The following CALCR variants were observed in gnomAD, a reference collection of about 807,000 sequenced individuals.
CALCR encodes the protein calcitonin receptor.
In CALCR, 47 loss-of-function variants were observed where a neutral mutation model predicts 59.5. That is an observed-to-expected ratio of 0.79 (90% CI 0.63 to 1.01). CALCR has a LOEUF of 1.01. Among genes scored for constraint, CALCR ranks in the 50% least tolerant of loss-of-function variants. The pLI, the probability that CALCR is intolerant of heterozygous loss-of-function variation, is 0.00. For synonymous variants in CALCR, 213 were observed against 211.3 expected, an observed-to-expected ratio of 1.01 and a Z score of -0.07; for missense variants, 566 against 597.1, an observed-to-expected ratio of 0.95 and a Z score of 0.54.
At chr7:93,547,585 A>G (rs1367350081) in intron 2 of CALCR, among the ~76,000 whole-genome samples, 2 of 152,214 alleles carry the variant, frequency 1.3e-5, no homozygotes, top group African/African-American at 2.4e-5. Flanking sequence ...TGGACAGGAA[A>G]GCAGAGATAT....
At chr7:93,516,115 C>A (rs928149077) in intron 2 of CALCR, among the ~76,000 whole-genome samples, 1 of 152,014 alleles carries the variant, frequency 6.6e-6, no homozygotes, top group South Asian at 2.1e-4. Context: ...CTTTCTTTTA[C>A]AAGTCTCACC....
chr7:93,436,093 G>A lies in CALCR; in HGVS notation c.1008C>T (p.His336=), dbSNP rs749894460. 6.2e-7 allele frequency: 1 copy of A among 1,614,166 alleles called. No homozygotes were observed. Among genetic ancestry groups the A allele is most frequent in the South Asian group, 1.1e-5 (1 of 91,082 alleles). ...TGGCCTTCACAGCCTTCAGGTACAT[G>A]TGGGATTCCGCCTCATGGGTTTCCC... ...KMRETHEAES[H]MYLKAVKATM... is the part of the protein sequence containing the mutation. Residue 336 remains histidine (H), a synonymous_variant, in exon 12 of 14, where the codon CAC becomes CAT. Transcript: ENST00000426151.
At chr7:93,449,623 T>C (rs1193724709) in intron 8 of CALCR, among the ~76,000 whole-genome samples, 1 of 152,038 alleles carries the variant, frequency 6.6e-6, no homozygotes, top group African/African-American at 2.4e-5. Context: ...CGTTGTTCGA[T>C]TGAAAACATT....
chr7:93,523,623 T>C (rs962144177), intron 2 of CALCR, among the ~76,000 whole-genome samples: 10 of 152,296 alleles, frequency 6.6e-5, no homozygotes, highest in Admixed American at 2.0e-4. Flanking sequence ...TTGATCTCTG[T>C]AAGCTTCAAA....
At chr7:93,471,069 G>T (rs1021155067) in intron 6 of CALCR, among the ~76,000 whole-genome samples, 1 of 151,634 alleles carries the variant, frequency 6.6e-6, no homozygotes, top group Non-Finnish European at 1.5e-5. Flanking sequence ...AATGTGAAAA[G>T]CATTTTAATC....
chr7:93,546,950 C>T (rs1789306645), intron 2 of CALCR, among the ~76,000 whole-genome samples: 1 of 152,062 alleles, frequency 6.6e-6, no homozygotes, highest in Admixed American at 6.6e-5. Flanking sequence ...GCTGTGTATG[C>T]CTTCATTCTC....
intron 3 of CALCR, 58 bp from the exon 4 acceptor site, chr7:93,479,565 A>G (rs1020786689): frequency 6.8e-7 from 1 of 1,465,716 alleles, no homozygotes; most frequent in African/African-American, 1.4e-5. Context: ...GAGCACAAAT[A>G]AATGAGACAA....
At chr7:93,505,567 T>C (rs1275624108) in intron 2 of CALCR, among the ~76,000 whole-genome samples, 1 of 152,196 alleles carries the variant, frequency 6.6e-6, no homozygotes, top group African/African-American at 2.4e-5. Flanking sequence ...CATTTCACTA[T>C]GTCTTTCTCT....
At chr7:93,531,046 G>A (rs1237581354) in intron 2 of CALCR, among the ~76,000 whole-genome samples, 1 of 151,984 alleles carries the variant, frequency 6.6e-6, no homozygotes, top group East Asian at 1.9e-4. Context: ...TAAGTTATTT[G>A]GAGGTGCCTG....
chr7:93,559,590 C>T (rs1789693212), intron 2 of CALCR: 2 of 151,664 alleles, frequency 1.3e-5, no homozygotes, highest in African/African-American at 4.8e-5. Context: ...TGGTCAGTTG[C>T]TGGCAAGATA....
chr7:93,537,179 A>G (rs1305460211), intron 2 of CALCR, among the ~76,000 whole-genome samples: 4 of 151,824 alleles, frequency 2.6e-5, no homozygotes, highest in Non-Finnish European at 5.9e-5. Context: ...AAGCATTCAT[A>G]TAACATTTAT....
At chr7:93,507,203 C>T (rs1164278495) in intron 2 of CALCR, among the ~76,000 whole-genome samples, 1 of 151,292 alleles carries the variant, frequency 6.6e-6, no homozygotes, top group Non-Finnish European at 1.5e-5. Context: ...CTTAATGTAA[C>T]AAGGAGGCCC....
intron 2 of CALCR, among the ~76,000 whole-genome samples, chr7:93,568,484 C>T (rs6960372): frequency 0.09 from 13,306 of 148,308 alleles, 681 homozygotes; most frequent in African/African-American, 0.11. Context: ...CTCGCTTTCT[C>T]CTCCCTGGTT....
At chr7:93,484,424 G>A (rs774799531) in intron 3 of CALCR, among the ~76,000 whole-genome samples, 16 of 151,740 alleles carry the variant, frequency 1.1e-4, no homozygotes, top group Non-Finnish European at 4.4e-5. Flanking sequence ...GCTTCCTATT[G>A]ATTGCCACAT....
At chr7:93,450,567 A>C (rs1800088547) in intron 8 of CALCR, among the ~76,000 whole-genome samples, 1 of 151,974 alleles carries the variant, frequency 6.6e-6, no homozygotes, top group Non-Finnish European at 1.5e-5. Flanking sequence ...TATTCAAGTC[A>C]GTAAAATTGA....
chr7:93,463,078 C>T (rs577795632), intron 7 of CALCR, among the ~76,000 whole-genome samples: 1 of 151,836 alleles, frequency 6.6e-6, no homozygotes, highest in Admixed American at 6.6e-5. Flanking sequence ...TTCCAGTACA[C>T]CAAAGAATTA....
intron 8 of CALCR, among the ~76,000 whole-genome samples, chr7:93,458,593 G>T (rs572740198): frequency 1.3e-5 from 2 of 152,112 alleles, no homozygotes; most frequent in Non-Finnish European, 2.9e-5. Flanking sequence ...GTAGAGACTG[G>T]AATATGAGAG....
intron 2 of CALCR, among the ~76,000 whole-genome samples, chr7:93,530,343 G>A (rs13223739): frequency 0.084 from 12,814 of 152,048 alleles, 595 homozygotes; most frequent in African/African-American, 0.094. Context: ...CTGAGCAGGC[G>A]GACCAGTTTT....
At chr7:93,437,932 T>TA (rs796453183) in intron 11 of CALCR, 128 bp downstream of exon 11, 137 of 884,002 alleles carry the variant, frequency 1.5e-4, no homozygotes, top group Middle Eastern at 6.3e-4. Context: ...TGCTTTTTTT[T>TA]ACTACAGAAT....
Sources: gnomAD v4.1 joint callset for allele counts (sites outside exome capture counted in the v4.1 genomes callset) on GRCh38, gnomAD v4.1.1 for gene constraint, MANE v1.5 for transcripts, NCBI Gene and HGNC (gene_info 2026-07-23, HGNC 2026-07-21) for gene names.